PACRG: variants seen among roughly 807,000 people sequenced by gnomAD.
PACRG encodes the protein parkin coregulated gene protein.
In PACRG, 29 loss-of-function variants were observed where a neutral mutation model predicts 29.7. That is an observed-to-expected ratio of 0.98 (90% CI 0.73 to 1.33). PACRG has a LOEUF of 1.33. Ranked by LOEUF, PACRG falls within the 40% of genes most tolerant of loss-of-function variation. The pLI is 0.00. For missense variants in PACRG, 279 were observed against 316.2 expected (o/e 0.88, Z 0.89); for synonymous variants, 116 against 118.7 (o/e 0.98, Z 0.15).
chr6:163,243,814 G>C (rs1021827355), intron 4 of PACRG, among the ~76,000 whole-genome samples: 3 of 152,180 alleles, frequency 2.0e-5, no homozygotes, highest in African/African-American at 7.2e-5. Flanking sequence ...ACCAACAGAA[G>C]AGATTTCACC....
chr6:162,945,108 G>A (rs1365464503), intron 2 of PACRG, among the ~76,000 whole-genome samples: 1 of 151,862 alleles, frequency 6.6e-6, no homozygotes, highest in South Asian at 2.1e-4. Context: ...AAAAGATATA[G>A]AAAACAAGCA....
rs1288751614 is a variant in PACRG, at chr6:163,315,073, T to G, written c.*86T>G. ...CTTTTAGCATCTCATTCCTTGTGAC[T>G]TCCACAGCTTTCTTTTCTACAGCTG... is the stretch of plus-strand genomic sequence containing the variant. On this transcript the variant is annotated 3_prime_UTR_variant, in exon 5 of 5. Coordinates refer to ENST00000366888, the MANE Select transcript of PACRG (RefSeq NM_001080379.2). 3 of 1,438,256 alleles carry G rather than the reference T, an allele frequency of 2.1e-6. No homozygotes were observed. The highest frequency in any genetic ancestry group is 2.8e-6 in the Non-Finnish European group (3 of 1,054,450). The allele number at this position is 1,438,256 out of a possible 1,614,324, so 89.1% of individuals were successfully genotyped here.
intron 4 of PACRG, among the ~76,000 whole-genome samples, chr6:163,208,129 A>G (rs912323510): frequency 2.0e-5 from 3 of 152,246 alleles, no homozygotes; most frequent in Admixed American, 6.5e-5. Context: ...TATTGTAGTT[A>G]AACTTGGTGT....
intron 4 of PACRG, among the ~76,000 whole-genome samples, chr6:163,176,568 G>A (rs996967106): frequency 6.6e-6 from 1 of 151,498 alleles, no homozygotes; most frequent in African/African-American, 2.4e-5. Context: ...AGGGAAAGAC[G>A]AAGGCAAAAA....
At chr6:162,754,588 C>T (rs956394636) in intron 1 of PACRG, among the ~76,000 whole-genome samples, 1 of 151,910 alleles carries the variant, frequency 6.6e-6, no homozygotes, top group Non-Finnish European at 1.5e-5. Flanking sequence ...TTCTAGTTGT[C>T]TTACCCTTTC....
chr6:162,999,702 C>G (rs1053918584), intron 2 of PACRG, among the ~76,000 whole-genome samples: 1 of 152,164 alleles, frequency 6.6e-6, no homozygotes, highest in African/African-American at 2.4e-5. Flanking sequence ...TACATGAAGT[C>G]TGTTCTTCCC....
chr6:162,781,389 C>T (rs942870623), intron 1 of PACRG, among the ~76,000 whole-genome samples: 7 of 152,000 alleles, frequency 4.6e-5, no homozygotes, highest in African/African-American at 1.4e-4. Flanking sequence ...GAAGTCCCTC[C>T]AGCAGAAGGA....
chr6:163,141,237 G>A (rs966929411), intron 4 of PACRG, among the ~76,000 whole-genome samples: 1 of 151,978 alleles, frequency 6.6e-6, no homozygotes, highest in Admixed American at 6.6e-5. Flanking sequence ...CAAGAGGGAA[G>A]GTAAAATAAA....
chr6:162,739,841 TAA>T (rs34535656), intron 1 of PACRG, among the ~76,000 whole-genome samples: 32,100 of 130,012 alleles, frequency 0.25, 4,363 homozygotes, highest in African/African-American at 0.38. Flanking sequence ...GCTCCATCTT[TAA>T]AAAAAAAAAA....
intron 4 of PACRG, chr6:163,191,058 CA>C (rs1392222810): frequency 4.7e-6 from 2 of 429,876 alleles, no homozygotes; most frequent in Non-Finnish European, 4.6e-6. Context: ...ATTTGAAAAA[CA>C]AAACAAACAA....
At chr6:163,118,457 C>A (rs971455476) in intron 4 of PACRG, among the ~76,000 whole-genome samples, 3 of 152,022 alleles carry the variant, frequency 2.0e-5, no homozygotes, top group Non-Finnish European at 4.4e-5. Flanking sequence ...TAATTAAACA[C>A]AAAAAAATAT....
intron 2 of PACRG, among the ~76,000 whole-genome samples, chr6:162,831,616 A>G (rs895155457): frequency 4.6e-5 from 7 of 152,306 alleles, no homozygotes; most frequent in Non-Finnish European, 1.0e-4. Flanking sequence ...AATTCAGCCC[A>G]GCAAGCATTA....
At position 163,193,291 on chromosome 6, in the gene PACRG, A is replaced by G. The variant is rs145784133; in HGVS notation, c.613+103883A>G. Among the ~76,000 whole-genome samples, 561 of 152,312 alleles carry G rather than the reference A, an allele frequency of 3.7e-3. 3 individuals are homozygous for G. Among genetic ancestry groups the G allele is most frequent in the African/African-American group, 0.013 (525 of 41,560 alleles). ...CATAAGGCTTCACTTAGATTGAGAG[A>G]GTGAAAATGGGTGTCAGTCTTTCAA... On this transcript the variant is annotated intron_variant, in intron 4 of 4. Transcript: ENST00000366888.
upstream of PACRG, chr6:162,727,961 G>T (rs539607525): frequency 1.3e-5 from 8 of 598,166 alleles, no homozygotes; most frequent in African/African-American, 1.1e-4. Flanking sequence ...TGCGCCCGCC[G>T]TGTTGACCAG....
rs553801733 is a variant in PACRG, at chr6:162,822,344, C to T, written c.291+8063C>T. ...ATTCTCATGGTATGGTGCCCAACCA[C>T]GTAAGCAGGCTTGCCTTTGTGAGCA... On this transcript the variant is annotated intron_variant, in intron 2 of 4. Transcript: ENST00000366888. Among the ~76,000 whole-genome samples the T allele has an allele frequency of 7.2e-5, 11 of 152,280 alleles. No homozygotes were observed. In the South Asian group the frequency reaches 1.2e-3, roughly 17 times the overall value.
At chr6:163,173,512 G>C (rs1347254754) in intron 4 of PACRG, among the ~76,000 whole-genome samples, 4 of 152,172 alleles carry the variant, frequency 2.6e-5, no homozygotes, top group African/African-American at 9.7e-5. Flanking sequence ...GTCCCCCTTA[G>C]AGGCATAGGT....
chr6:162,849,882 A>G (rs1790714777), intron 2 of PACRG, among the ~76,000 whole-genome samples: 2 of 152,262 alleles, frequency 1.3e-5, no homozygotes, highest in South Asian at 4.1e-4. Context: ...GATTCTGACA[A>G]CTTGACTAGT....
chr6:163,293,866 CTG>C (rs1174917953), intron 4 of PACRG, among the ~76,000 whole-genome samples: 1 of 152,046 alleles, frequency 6.6e-6, no homozygotes, highest in East Asian at 1.9e-4. Flanking sequence ...TAAAAAAAAA[CTG>C]TGAAAAGAAA....
chr6:163,258,779 C>T (rs1585377820), intron 4 of PACRG, among the ~76,000 whole-genome samples: 1 of 151,510 alleles, frequency 6.6e-6, no homozygotes, highest in South Asian at 2.1e-4. Flanking sequence ...AATCAATAGT[C>T]TCATATTATA....
Sources: gnomAD v4.1 joint callset for allele counts (sites outside exome capture counted in the v4.1 genomes callset) on GRCh38, gnomAD v4.1.1 for gene constraint, MANE v1.5 for transcripts, NCBI Gene and HGNC (gene_info 2026-07-23, HGNC 2026-07-21) for gene names.